Variants in COA1 observed in about 807,000 individuals in gnomAD.
The protein encoded by COA1 is cytochrome c oxidase assembly factor 1, also known as cytochrome c oxidase assembly factor 1 homolog.
A neutral mutation model predicts 16.0 loss-of-function variants in COA1; 13 were observed. The observed-to-expected ratio is 0.81, with a 90% CI of 0.53 to 1.29. The LOEUF is 1.29. Ranked by LOEUF, COA1 falls within the 50% of genes most tolerant of loss-of-function variation. COA1 has a pLI of 0.00. For synonymous variants in COA1, 65 were observed against 65.7 expected, an observed-to-expected ratio of 0.99 and a Z score of 0.05; for missense variants, 179 against 177.0, an observed-to-expected ratio of 1.01 and a Z score of -0.06.
chr7:43,704,759 G>A (rs761274278), intron 1 of COA1, among the ~76,000 whole-genome samples: 3 of 151,968 alleles, frequency 2.0e-5, no homozygotes, highest in African/African-American at 4.8e-5. Context: ...CCTCTATGTC[G>A]ACTAGCTTCC....
chr7:43,687,369 T>C (rs10239758), intron 1 of COA1, among the ~76,000 whole-genome samples: 22,161 of 152,174 alleles, frequency 0.15, 2,185 homozygotes, highest in Non-Finnish European at 0.21. Context: ...GCTTCCTCGA[T>C]AGCTTCAAGC....
chr7:43,662,551 T>G (rs1478322030), intron 1 of COA1, among the ~76,000 whole-genome samples: 1 of 152,210 alleles, frequency 6.6e-6, no homozygotes, highest in Non-Finnish European at 1.5e-5. Flanking sequence ...ATTTCAACCA[T>G]AAAAATATAT....
At chr7:43,677,868 G>T (rs1227095230) in intron 1 of COA1, among the ~76,000 whole-genome samples, 1 of 149,888 alleles carries the variant, frequency 6.7e-6, no homozygotes, top group African/African-American at 2.5e-5. Flanking sequence ...ACTTAAAAAG[G>T]TTTATAATCT....
chr7:43,690,113 T>C (rs1009546224), intron 1 of COA1, among the ~76,000 whole-genome samples: 1 of 151,988 alleles, frequency 6.6e-6, no homozygotes. Context: ...TAGATGTTGG[T>C]GTGGATGCAG....
At chr7:43,623,595 C>T (rs773653788) in intron 6 of COA1, 1 of 1,610,308 alleles carries the variant, frequency 6.2e-7, no homozygotes, top group South Asian at 1.1e-5. Flanking sequence ...TAGTTATGAT[C>T]CTATAAGCAT....
chr7:43,635,033 T>C (rs1207763818), downstream of COA1, among the ~76,000 whole-genome samples: 1 of 152,160 alleles, frequency 6.6e-6, no homozygotes, highest in Non-Finnish European at 1.5e-5. Context: ...TAGCGAGAAG[T>C]GTGTCTACTC....
chr7:43,613,007 A>G (rs1287809204), intron 6 of COA1, among the ~76,000 whole-genome samples: 4 of 152,232 alleles, frequency 2.6e-5, no homozygotes, highest in African/African-American at 9.6e-5. Flanking sequence ...GTACCCAAAC[A>G]GTCTCAATAA....
In COA1 at chr7:43,608,580, CAT is replaced by C. The variant is rs1238226259; in HGVS notation, c.*1047_*1048del. The C allele has an allele frequency of 1.0e-4, 60 of 590,096 alleles. 1 individual carries two copies. Among genetic ancestry groups the C allele is most frequent in the East Asian group, 8.0e-4 (26 of 32,610 alleles). 36.6% of individuals were successfully genotyped at this position (590,096 alleles called of 1,614,324 possible). On this transcript the variant is annotated 3_prime_UTR_variant and NMD_transcript_variant, in exon 7 of 7. Transcript: ENST00000415076. Reference sequence around the variant, plus strand: ...AGTTTTATCAGGGAGATAATGCACACATGTGTACATGGAAAGATACAAAATAA... The same window carrying C: ...AGTTTTATCAGGGAGATAATGCACACGTGTACATGGAAAGATACAAAATAA...
intron 1 of COA1, among the ~76,000 whole-genome samples, chr7:43,690,332 A>G (rs898085406): frequency 1.3e-5 from 2 of 152,218 alleles, no homozygotes; most frequent in Admixed American, 1.3e-4. Context: ...CACAATTTGC[A>G]ATTGCAAAAC....
In COA1 at chr7:43,668,940, G is replaced by T. The variant is rs75469526; in HGVS notation, c.-38-20288C>A. Among the ~76,000 whole-genome samples, 15 of 152,306 alleles carry T rather than the reference G, an allele frequency of 9.8e-5. No homozygotes were observed. The East Asian group carries it at 2.9e-3, about 29-fold the overall frequency. On this transcript the variant is annotated intron_variant, in intron 1 of 5. Coordinates refer to ENST00000223336, the MANE Select transcript of COA1 (RefSeq NM_018224.4). ...CCTTCTAACTGAAATATTGGACAGA[G>T]AACTTATGTCTTGTATTAATATTTG...
At chr7:43,709,793 T>G (rs1226024975) in intron 1 of COA1, among the ~76,000 whole-genome samples, 1 of 152,198 alleles carries the variant, frequency 6.6e-6, no homozygotes, top group Non-Finnish European at 1.5e-5. Flanking sequence ...ATTTATCTTT[T>G]AATGATGTGA....
chr7:43,616,235 C>T (rs1336204576), intron 6 of COA1, among the ~76,000 whole-genome samples: 2 of 152,140 alleles, frequency 1.3e-5, no homozygotes, highest in Non-Finnish European at 2.9e-5. Flanking sequence ...GTATATATTG[C>T]TTTCATGGTG....
intron 1 of COA1, among the ~76,000 whole-genome samples, chr7:43,650,907 C>A (rs979183583): frequency 3.3e-5 from 5 of 151,446 alleles, no homozygotes; most frequent in Admixed American, 1.3e-4. Flanking sequence ...AACCAAGTCT[C>A]CCCAGAGCCC....
chr7:43,695,479 A>C (rs975205636), intron 1 of COA1, among the ~76,000 whole-genome samples: 1 of 151,974 alleles, frequency 6.6e-6, no homozygotes, highest in Non-Finnish European at 1.5e-5. Flanking sequence ...TATCCACAGC[A>C]TTTATTACCA....
At chr7:43,658,424 A>C (rs1194082135) in intron 1 of COA1, among the ~76,000 whole-genome samples, 1 of 152,230 alleles carries the variant, frequency 6.6e-6, no homozygotes, top group Non-Finnish European at 1.5e-5. Context: ...TCTGAGAACA[A>C]ATCAAACCTC....
At chr7:43,690,315 A>C (rs749549426) in intron 1 of COA1, among the ~76,000 whole-genome samples, 27 of 152,240 alleles carry the variant, frequency 1.8e-4, no homozygotes, top group Non-Finnish European at 3.7e-4. Context: ...AGTTTATATT[A>C]TAACAGCACA....
chr7:43,703,663 GCT>G (rs1170719063), intron 1 of COA1, among the ~76,000 whole-genome samples: 1 of 152,050 alleles, frequency 6.6e-6, no homozygotes, highest in Non-Finnish European at 1.5e-5. Flanking sequence ...AGCAATCCCT[GCT>G]CTGTTTTGTT....
chr7:43,708,438 G>A (rs1361018253), intron 1 of COA1, among the ~76,000 whole-genome samples: 1 of 151,128 alleles, frequency 6.6e-6, no homozygotes, highest in Non-Finnish European at 1.5e-5. Flanking sequence ...TCCAGTCTGG[G>A]TAACAAAGCA....
chr7:43,712,840 T>A (rs1278661605), intron 1 of COA1, among the ~76,000 whole-genome samples: 1 of 152,230 alleles, frequency 6.6e-6, no homozygotes, highest in Non-Finnish European at 1.5e-5. Flanking sequence ...ACTATCATGT[T>A]TTAAACTTTT....
Sources: gnomAD v4.1 joint callset for allele counts (sites outside exome capture counted in the v4.1 genomes callset) on GRCh38, gnomAD v4.1.1 for gene constraint, MANE v1.5 for transcripts, NCBI Gene and HGNC (gene_info 2026-07-23, HGNC 2026-07-21) for gene names.